CALCR: variants seen among roughly 807,000 people sequenced by gnomAD.
The protein encoded by CALCR is calcitonin receptor.
A neutral mutation model predicts 59.5 loss-of-function variants in CALCR; 47 were observed. The ratio of observed to expected loss-of-function variants is 0.79; its 90% CI spans 0.63 to 1.01. The LOEUF (loss-of-function observed/expected upper bound fraction) is 1.01. Ranked by LOEUF, CALCR falls within the 50% of genes least tolerant of loss-of-function variation. The pLI, the probability that CALCR is intolerant of heterozygous loss-of-function variation, is 0.00. For missense variants in CALCR, 566 were observed against 597.1 expected, an observed-to-expected ratio of 0.95 and a Z score of 0.54; for synonymous variants, 213 against 211.3, an observed-to-expected ratio of 1.01 and a Z score of -0.07.
chr7:93,521,349 A>G (rs966224712), intron 2 of CALCR, among the ~76,000 whole-genome samples: 4 of 152,154 alleles, frequency 2.6e-5, no homozygotes, highest in African/African-American at 7.2e-5. Flanking sequence ...TCTTCTATGC[A>G]TGAGAAATAG....
chr7:93,520,771 C>T (rs999976579), intron 2 of CALCR, among the ~76,000 whole-genome samples: 1 of 152,126 alleles, frequency 6.6e-6, no homozygotes, highest in Non-Finnish European at 1.5e-5. Flanking sequence ...ACATGGTGCA[C>T]TTCCTACCTG....
rs764966596 is a variant in CALCR at position 93,426,348 on chromosome 7, C to T, written c.*8G>A. ...CTCAGTGATCACGATGCTGTGTTTG[C>T]TTCACATTCAAGCAGATGACTCTTG... On this transcript the variant is annotated 3_prime_UTR_variant, in exon 14 of 14. Transcript: ENST00000426151. 2.4e-5 allele frequency: 35 copies of T among 1,484,968 alleles called. No homozygotes were observed. Among genetic ancestry groups the T allele is most frequent in the Non-Finnish European group, 3.3e-5 (35 of 1,063,080 alleles). The allele number at this position is 1,484,968 out of a possible 1,614,324, so 92.0% of individuals were successfully genotyped here.
At chr7:93,492,886 T>A (rs992661002) in intron 2 of CALCR, among the ~76,000 whole-genome samples, 9 of 151,308 alleles carry the variant, frequency 5.9e-5, no homozygotes, top group African/African-American at 1.9e-4. Flanking sequence ...AGAAAGCACA[T>A]AAAAACAACA....
At chr7:93,446,171 T>C (rs1800003170) in intron 8 of CALCR, among the ~76,000 whole-genome samples, 1 of 151,954 alleles carries the variant, frequency 6.6e-6, no homozygotes, top group Non-Finnish European at 1.5e-5. Flanking sequence ...TTGACCATAT[T>C]TGGGTTTGAC....
Position 93,520,726 on chromosome 7 carries a change from T to C in CALCR, c.-26-33719A>G, listed in dbSNP as rs569236972. On this transcript the variant is annotated intron_variant, in intron 2 of 13. Coordinates refer to ENST00000426151, the MANE Select transcript of CALCR (RefSeq NM_001742.4). ...TGACAAGAAATGCAGGTTTCTTCTA[T>C]AGAAATTGTCTGATTTTTATTTATT... Among the ~76,000 whole-genome samples the C allele has an allele frequency of 5.3e-5, 8 of 152,300 alleles. 1 individual carries two copies. Among genetic ancestry groups the C allele is most frequent in the Admixed American group, 2.0e-4 (3 of 15,280 alleles).
rs533098675 is a variant in CALCR at position 93,546,700 on chromosome 7, G to A, written c.-27+27589C>T. Among the ~76,000 whole-genome samples, 7 of 150,950 alleles carry A rather than the reference G, an allele frequency of 4.6e-5. No individual in the cohort carries two copies. In the East Asian group the frequency reaches 5.8e-4, roughly 13 times the overall value. On this transcript the variant is annotated intron_variant, in intron 2 of 13. Coordinates refer to ENST00000426151, the MANE Select transcript of CALCR (RefSeq NM_001742.4). ...CTGAGTAGCTTGAGACAACAGGCACGCATGACCACACTTGGATAATTTTTG... is the reference window on the plus strand; with the variant it reads ...CTGAGTAGCTTGAGACAACAGGCACACATGACCACACTTGGATAATTTTTG...
At chr7:93,530,149 C>T (rs1260340259) in intron 2 of CALCR, among the ~76,000 whole-genome samples, 1 of 152,112 alleles carries the variant, frequency 6.6e-6, no homozygotes, top group Non-Finnish European at 1.5e-5. Flanking sequence ...GGCAGGTCAA[C>T]ATAATTGACC....
chr7:93,527,363 ATATT>A (rs1788684743), intron 2 of CALCR, among the ~76,000 whole-genome samples: 1 of 151,092 alleles, frequency 6.6e-6, no homozygotes, highest in African/African-American at 2.4e-5. Context: ...GCATAAATGT[ATATT>A]TAAATGGTGT....
chr7:93,557,994 G>A (rs1789650274), intron 2 of CALCR, among the ~76,000 whole-genome samples: 1 of 151,914 alleles, frequency 6.6e-6, no homozygotes, highest in Non-Finnish European at 1.5e-5. Context: ...TACCTAGTTT[G>A]TGATTTAGAG....
chr7:93,458,499 G>C (rs923893353), intron 8 of CALCR, among the ~76,000 whole-genome samples: 1 of 152,068 alleles, frequency 6.6e-6, no homozygotes, highest in African/African-American at 2.4e-5. Flanking sequence ...CACTGCCCTG[G>C]GCCCACAGAA....
chr7:93,445,535 T>C (rs1799991566), intron 8 of CALCR, among the ~76,000 whole-genome samples: 1 of 152,112 alleles, frequency 6.6e-6, no homozygotes, highest in African/African-American at 2.4e-5. Flanking sequence ...TCAGTAGTTA[T>C]GGTCTATAAA....
chr7:93,566,899 G>A (rs1316811474), intron 2 of CALCR, among the ~76,000 whole-genome samples: 1 of 152,118 alleles, frequency 6.6e-6, no homozygotes, highest in African/African-American at 2.4e-5. Context: ...TGCTTTCAGG[G>A]CTTGGATCCA....
intron 2 of CALCR, among the ~76,000 whole-genome samples, chr7:93,516,972 A>G (rs1801663368): frequency 6.6e-6 from 1 of 151,880 alleles, no homozygotes; most frequent in Admixed American, 6.6e-5. Flanking sequence ...AGGAAGACAG[A>G]CTTGGGTAGG....
intron 2 of CALCR, among the ~76,000 whole-genome samples, chr7:93,552,528 G>A (rs181973813): frequency 9.7e-4 from 147 of 152,180 alleles, no homozygotes; most frequent in Middle Eastern, 3.4e-3. Flanking sequence ...CCCATTGATA[G>A]GCTATATTTT....
At chr7:93,539,459 T>A (rs182709476) in intron 2 of CALCR, among the ~76,000 whole-genome samples, 2 of 152,064 alleles carry the variant, frequency 1.3e-5, no homozygotes, top group East Asian at 3.9e-4. Flanking sequence ...GAAACGTAAA[T>A]CATTGTTGGT....
intron 2 of CALCR, among the ~76,000 whole-genome samples, chr7:93,497,144 T>C (rs1471179552): frequency 6.6e-6 from 1 of 151,516 alleles, no homozygotes; most frequent in African/African-American, 2.4e-5. Context: ...GGGTAAACAG[T>C]GTGACACACA....
chr7:93,445,661 C>T (rs533713097), intron 8 of CALCR, among the ~76,000 whole-genome samples: 71 of 152,176 alleles, frequency 4.7e-4, no homozygotes, highest in African/African-American at 1.6e-3. Flanking sequence ...CAATAGCTAA[C>T]TTTGTTTTAT....
chr7:93,519,812 T>A (rs1801723081), intron 2 of CALCR, among the ~76,000 whole-genome samples: 1 of 151,928 alleles, frequency 6.6e-6, no homozygotes, highest in Non-Finnish European at 1.5e-5. Context: ...GCAGTTCCCC[T>A]CTGCTCGCTC....
At chr7:93,532,277 T>C (rs1041890914) in intron 2 of CALCR, among the ~76,000 whole-genome samples, 7 of 152,058 alleles carry the variant, frequency 4.6e-5, no homozygotes, top group Admixed American at 1.3e-4. Flanking sequence ...TCAGTATATC[T>C]GGTGTTGAAA....
Sources: allele counts gnomAD v4.1 joint callset (sites outside exome capture counted in the v4.1 genomes callset), GRCh38; gene constraint gnomAD v4.1.1; transcripts MANE v1.5; gene names NCBI Gene and HGNC (gene_info 2026-07-23, HGNC 2026-07-21).